Variants in KCNIP4 observed in about 807,000 individuals in gnomAD.
The protein encoded by KCNIP4 is Kv channel-interacting protein 4.
KCNIP4 carries 12 observed loss-of-function variants against 34.0 expected under a neutral mutation model. The observed-to-expected ratio is 0.35, with a 90% CI of 0.23 to 0.57. The LOEUF is 0.57. Among genes scored for constraint, KCNIP4 ranks in the 20% least tolerant of loss-of-function variants. The pLI, the probability that KCNIP4 is intolerant of heterozygous loss-of-function variation, is 0.83. For synonymous variants in KCNIP4, 124 were observed against 102.2 expected, an observed-to-expected ratio of 1.21 and a Z score of -1.29; for missense variants, 238 against 311.7, an observed-to-expected ratio of 0.76 and a Z score of 1.78.
intron 1 of KCNIP4, among the ~76,000 whole-genome samples, chr4:21,689,154 T>C (rs73800279): frequency 0.028 from 4,247 of 152,166 alleles, 199 homozygotes; most frequent in African/African-American, 0.097. Flanking sequence ...AATGAATAAA[T>C]GGCTATTGTA....
At chr4:21,694,660 C>A (rs1315580376) in intron 1 of KCNIP4, among the ~76,000 whole-genome samples, 6 of 151,770 alleles carry the variant, frequency 4.0e-5, no homozygotes, top group African/African-American at 1.5e-4. Flanking sequence ...CTAGACACTG[C>A]CACAACTTAC....
chr4:21,696,476 T>C (rs1229734085), intron 1 of KCNIP4, among the ~76,000 whole-genome samples: 1 of 152,104 alleles, frequency 6.6e-6, no homozygotes, highest in Non-Finnish European at 1.5e-5. Context: ...GGTCAGTATT[T>C]GAAAAATAAA....
At chr4:21,642,204 T>C (rs138037391) in intron 1 of KCNIP4, among the ~76,000 whole-genome samples, 21 of 152,300 alleles carry the variant, frequency 1.4e-4, no homozygotes, top group African/African-American at 4.8e-4. Context: ...TCATAGGCCT[T>C]ATCATATCCC....
At chr4:21,665,296 T>C (rs1748761998) in intron 1 of KCNIP4, among the ~76,000 whole-genome samples, 1 of 152,158 alleles carries the variant, frequency 6.6e-6, no homozygotes, top group African/African-American at 2.4e-5. Context: ...GAAGATTTGT[T>C]TTCATGAACC....
At chr4:21,249,245 T>A (rs541335811) in intron 1 of KCNIP4, among the ~76,000 whole-genome samples, 3 of 152,050 alleles carry the variant, frequency 2.0e-5, no homozygotes, top group African/African-American at 7.2e-5. Context: ...TACATACATA[T>A]AACCATATCA....
intron 1 of KCNIP4, among the ~76,000 whole-genome samples, chr4:21,418,785 C>T (rs9993959): frequency 0.29 from 43,501 of 151,960 alleles, 7,149 homozygotes; most frequent in Non-Finnish European, 0.38. Context: ...CCGTCAATCA[C>T]CCTTTAACCT....
intron 1 of KCNIP4, among the ~76,000 whole-genome samples, chr4:21,661,143 C>T (rs1748418743): frequency 1.3e-5 from 2 of 152,092 alleles, no homozygotes; most frequent in African/African-American, 4.8e-5. Flanking sequence ...GGACATCAGC[C>T]ACGGGACGGC....
intron 1 of KCNIP4, among the ~76,000 whole-genome samples, chr4:21,257,374 C>G (rs542681667): frequency 6.6e-6 from 1 of 152,174 alleles, no homozygotes; most frequent in Admixed American, 6.5e-5. Flanking sequence ...AAGTGTACCC[C>G]CCAGACAAGT....
intron 1 of KCNIP4, among the ~76,000 whole-genome samples, chr4:21,904,846 T>A (rs1727906446): frequency 6.6e-6 from 1 of 152,154 alleles, no homozygotes; most frequent in African/African-American, 2.4e-5. Flanking sequence ...ACCATAAACA[T>A]CTCCAGACAT....
chr4:21,409,070 G>A (rs1456370015), intron 1 of KCNIP4, among the ~76,000 whole-genome samples: 2 of 148,594 alleles, frequency 1.3e-5, no homozygotes, highest in African/African-American at 2.5e-5. Flanking sequence ...AACACATTTA[G>A]TTTTAGGAAA....
intron 1 of KCNIP4, among the ~76,000 whole-genome samples, chr4:21,307,650 T>C (rs567016499): frequency 1.3e-5 from 2 of 152,324 alleles, no homozygotes; most frequent in Admixed American, 6.5e-5. Context: ...ATAATCTGAT[T>C]GATATTCTCA....
At chr4:21,495,865 T>C (rs1047513539) in intron 1 of KCNIP4, among the ~76,000 whole-genome samples, 1 of 152,136 alleles carries the variant, frequency 6.6e-6, no homozygotes, top group Non-Finnish European at 1.5e-5. Flanking sequence ...ATTTCTCAAG[T>C]GGGGTCTGTT....
At chr4:21,336,935 G>A (rs1403120610) in intron 1 of KCNIP4, among the ~76,000 whole-genome samples, 1 of 152,014 alleles carries the variant, frequency 6.6e-6, no homozygotes, top group African/African-American at 2.4e-5. Context: ...CAGCACACAG[G>A]ATCTAAATAG....
At chr4:21,396,497 A>G (rs951451633) in intron 1 of KCNIP4, among the ~76,000 whole-genome samples, 1 of 141,352 alleles carries the variant, frequency 7.1e-6, no homozygotes, top group African/African-American at 2.6e-5. Context: ...CGGAGGTTGC[A>G]GTGAGCTGAG....
intron 1 of KCNIP4, among the ~76,000 whole-genome samples, chr4:21,591,605 T>C (rs1742229850): frequency 6.6e-6 from 1 of 152,112 alleles, no homozygotes; most frequent in South Asian, 2.1e-4. Flanking sequence ...GAATGTGTGG[T>C]TCTTTGAGAG....
intron 1 of KCNIP4, among the ~76,000 whole-genome samples, chr4:21,510,957 T>C (rs1734263756): frequency 6.6e-6 from 1 of 152,112 alleles, no homozygotes; most frequent in Non-Finnish European, 1.5e-5. Context: ...GGCATGAGAA[T>C]TGCTTGAACT....
At chr4:21,689,554 T>C (rs1237453400) in intron 1 of KCNIP4, among the ~76,000 whole-genome samples, 1 of 152,126 alleles carries the variant, frequency 6.6e-6, no homozygotes, top group African/African-American at 2.4e-5. Flanking sequence ...GCAGAGAGAA[T>C]AGCTCTCCTG....
chr4:21,719,850 C>T (rs936490166), intron 1 of KCNIP4, among the ~76,000 whole-genome samples: 1 of 151,632 alleles, frequency 6.6e-6, no homozygotes, highest in African/African-American at 2.4e-5. Context: ...GTAATCCCAG[C>T]TACTTGGGAG....
chr4:21,278,906 G>A (rs912228972), intron 1 of KCNIP4, among the ~76,000 whole-genome samples: 1 of 152,180 alleles, frequency 6.6e-6, no homozygotes, highest in Middle Eastern at 3.2e-3. Flanking sequence ...TAGAAGAGGT[G>A]GGAATAGTAT....
Sources: allele counts gnomAD v4.1 joint callset (sites outside exome capture counted in the v4.1 genomes callset), GRCh38; gene constraint gnomAD v4.1.1; transcripts MANE v1.5; gene names NCBI Gene and HGNC (gene_info 2026-07-23, HGNC 2026-07-21).